ERBB4: variants seen among roughly 807,000 people sequenced by gnomAD.
ERBB4 encodes erb-b2 receptor tyrosine kinase 4.
ERBB4 carries 42 observed loss-of-function variants against 158.0 expected under a neutral mutation model. The ratio of observed to expected loss-of-function variants is 0.27; its 90% CI spans 0.21 to 0.34. The LOEUF (loss-of-function observed/expected upper bound fraction) is 0.34. Among genes scored for constraint, ERBB4 ranks in the 10% least tolerant of loss-of-function variants. The pLI is 1.00. For missense variants in ERBB4, 1,333 were observed against 1,624.1 expected (o/e 0.82, Z 3.08); for synonymous variants, 583 against 558.7 (o/e 1.04, Z -0.61).
chr2:211,942,905 T>C (rs1189815907), intron 3 of ERBB4, among the ~76,000 whole-genome samples: 1 of 152,112 alleles, frequency 6.6e-6, no homozygotes, highest in Non-Finnish European at 1.5e-5. Flanking sequence ...TATATGTGTA[T>C]TAAATTCGTA....
At chr2:211,429,228 T>C (rs948032960) in intron 21 of ERBB4, among the ~76,000 whole-genome samples, 1 of 152,096 alleles carries the variant, frequency 6.6e-6, no homozygotes, top group African/African-American at 2.4e-5. Context: ...CTTTCAGTTA[T>C]CCCTTTTCAC....
chr2:211,716,679 AAACAAC>A (rs139631300), intron 7 of ERBB4, among the ~76,000 whole-genome samples: 11 of 151,282 alleles, frequency 7.3e-5, no homozygotes, highest in Admixed American at 1.3e-4. Flanking sequence ...CCGTCTCAAA[AAACAAC>A]AACAACAACA....
intron 12 of ERBB4, among the ~76,000 whole-genome samples, chr2:211,683,725 G>T (rs2072449153): frequency 7.0e-6 from 1 of 143,712 alleles, no homozygotes; most frequent in Non-Finnish European, 1.5e-5. Flanking sequence ...TTATATGGTA[G>T]TAACACTTTA....
intron 2 of ERBB4, among the ~76,000 whole-genome samples, chr2:212,063,525 T>G (rs1453214011): frequency 1.3e-5 from 2 of 152,050 alleles, no homozygotes; most frequent in Non-Finnish European, 2.9e-5. Flanking sequence ...GCAAAACCAT[T>G]TAAATACTAG....
intron 3 of ERBB4, among the ~76,000 whole-genome samples, chr2:211,837,171 T>C (rs1024925977): frequency 2.0e-5 from 3 of 152,114 alleles, no homozygotes; most frequent in Non-Finnish European, 4.4e-5. Context: ...ATATTGTGCA[T>C]GATAAATTGT....
chr2:212,168,757 G>T (rs189304857), intron 1 of ERBB4, among the ~76,000 whole-genome samples: 166 of 152,262 alleles, frequency 1.1e-3, no homozygotes, highest in African/African-American at 3.4e-3. Context: ...TCAGGTAAGA[G>T]AAAACTGCAA....
Position 211,894,568 on chromosome 2 carries a change from A to G in ERBB4, c.421+52862T>C, listed in dbSNP as rs192227865. On this transcript the variant is annotated intron_variant, in intron 3 of 27. Transcript: ENST00000342788. Reference sequence around the variant, plus strand: ...CTAAAACTTAAAGTATAATAAAAAAAAAATTCATTTCACTAAACTCATTTC... The same window carrying G: ...CTAAAACTTAAAGTATAATAAAAAAGAAATTCATTTCACTAAACTCATTTC... Among the ~76,000 whole-genome samples the G allele has an allele frequency of 8.3e-4, 127 of 152,318 alleles. 1 individual carries two copies. The highest frequency in any genetic ancestry group is 2.9e-3 in the African/African-American group (121 of 41,568).
intron 19 of ERBB4, among the ~76,000 whole-genome samples, chr2:211,602,207 C>T (rs1267073527): frequency 6.6e-6 from 1 of 152,062 alleles, no homozygotes; most frequent in Non-Finnish European, 1.5e-5. Flanking sequence ...TCCTCTCCGA[C>T]CTTAAAGTCT....
In ERBB4 at chr2:211,808,559, C is replaced by A. The variant is rs147850506; in HGVS notation, c.422-20400G>T. Among the ~76,000 whole-genome samples, 444 of 152,186 alleles carry A rather than the reference C, an allele frequency of 2.9e-3. 4 individuals are homozygous for A. The highest frequency in any genetic ancestry group is 0.01 in the African/African-American group (421 of 41,532). ...TGCAGTATAGTTTGAAGTCAGGTAG[C>A]GTGATGCTTTCAGCTTTGTTCTTTT... is the stretch of plus-strand genomic sequence containing the variant. On this transcript the variant is annotated intron_variant, in intron 3 of 27. Coordinates refer to ENST00000342788, the MANE Select transcript of ERBB4 (RefSeq NM_005235.3).
intron 12 of ERBB4, among the ~76,000 whole-genome samples, chr2:211,693,141 A>G (rs1223419093): frequency 1.3e-5 from 2 of 152,190 alleles, no homozygotes; most frequent in Non-Finnish European, 2.9e-5. Flanking sequence ...GAGAGGCAGT[A>G]GTGACAGCAG....
At chr2:211,634,581 T>G (rs1361068198) in intron 16 of ERBB4, among the ~76,000 whole-genome samples, 1 of 152,198 alleles carries the variant, frequency 6.6e-6, no homozygotes, top group Non-Finnish European at 1.5e-5. Flanking sequence ...AATAGCAACC[T>G]AAGTTACTTC....
In ERBB4 at chr2:211,971,303, C is replaced by T. The variant is rs569330030; in HGVS notation, c.235-23687G>A. 2.7e-4 allele frequency among the ~76,000 whole-genome samples: 41 copies of T among 152,190 alleles called. 1 individual carries two copies. In the East Asian group the frequency reaches 7.9e-3, roughly 29 times the overall value. ...TGTGGCCTTTCTCTATGCTCATAAA[C>T]TAGAAAATCTAGAGAAATGGATGAA... On this transcript the variant is annotated intron_variant, in intron 2 of 27. Transcript: ENST00000342788.
chr2:211,490,544 T>C (rs751113289), intron 20 of ERBB4, among the ~76,000 whole-genome samples: 11 of 152,034 alleles, frequency 7.2e-5, no homozygotes, highest in Non-Finnish European at 5.9e-5. Flanking sequence ...TGAGTTTATA[T>C]AACTCACCTA....
chr2:211,677,698 C>A (rs1056824638), intron 13 of ERBB4, among the ~76,000 whole-genome samples: 2 of 151,432 alleles, frequency 1.3e-5, no homozygotes, highest in East Asian at 1.9e-4. Context: ...CACAGTGAAA[C>A]CCCGTCTCTA....
In ERBB4 at chr2:212,294,238, A is replaced by G. The variant is rs530524584; in HGVS notation, c.83-169335T>C. Among the ~76,000 whole-genome samples the G allele has an allele frequency of 5.3e-5, 8 of 152,220 alleles. No individual in the cohort carries two copies. The South Asian group carries it at 1.5e-3, about 28-fold the overall frequency. The stretch of plus-strand genomic sequence containing the variant: ...CATTCCAATGGAAAAACTATGTAGA[A>G]GCATCCAACATGCAAACCATTTTAT... On this transcript the variant is annotated intron_variant, in intron 1 of 27. Coordinates refer to ENST00000342788, the MANE Select transcript of ERBB4 (RefSeq NM_005235.3).
intron 3 of ERBB4, among the ~76,000 whole-genome samples, chr2:211,905,172 G>T (rs866890381): frequency 5.3e-5 from 8 of 151,986 alleles, no homozygotes; most frequent in Middle Eastern, 3.2e-3. Context: ...GGGTTAGCAG[G>T]GTTCTGGAGG....
At chr2:212,518,009 T>G (rs2106303771) in intron 1 of ERBB4, among the ~76,000 whole-genome samples, 1 of 152,172 alleles carries the variant, frequency 6.6e-6, no homozygotes, top group East Asian at 1.9e-4. Flanking sequence ...TATTCTAATA[T>G]AGGAAAACTT....
chr2:211,620,234 A>T (rs182988600), intron 18 of ERBB4, among the ~76,000 whole-genome samples: 15 of 152,308 alleles, frequency 9.8e-5, no homozygotes, highest in African/African-American at 3.4e-4. Context: ...AAAAATCTCA[A>T]ATTTTAGCTT....
intron 20 of ERBB4, among the ~76,000 whole-genome samples, chr2:211,463,243 T>C (rs1264175736): frequency 6.6e-6 from 1 of 152,164 alleles, no homozygotes; most frequent in African/African-American, 2.4e-5. Flanking sequence ...AGCGGAGCTA[T>C]AGTTTTTAGT....
Sources: allele counts gnomAD v4.1 joint callset (sites outside exome capture counted in the v4.1 genomes callset), GRCh38; gene constraint gnomAD v4.1.1; transcripts MANE v1.5; gene names NCBI Gene and HGNC (gene_info 2026-07-23, HGNC 2026-07-21).